The following TMC6 variants were observed in gnomAD, a reference collection of about 807,000 sequenced individuals.
TMC6 encodes the protein transmembrane channel-like protein 6.
A neutral mutation model predicts 95.4 loss-of-function variants in TMC6; 71 were observed. The ratio of observed to expected loss-of-function variants is 0.74; its 90% CI spans 0.61 to 0.91. TMC6 has a LOEUF of 0.91. Ranked by LOEUF, TMC6 falls within the 40% of genes least tolerant of loss-of-function variation. TMC6 has a pLI of 0.00. For synonymous variants in TMC6, 514 were observed against 483.1 expected (o/e 1.06, Z -0.84); for missense variants, 1,074 against 1,079.1 (o/e 1.00, Z 0.07).
rs768868241 is a variant in TMC6 at position 78,121,794 on chromosome 17, A to G, written c.1228-83T>C. ...GCAGACACAGCACAACACACACAAC[A>G]CACATGAGACACACCAGGAGGCTTG... On this transcript the variant is annotated intron_variant, in intron 10 of 19. Transcript: ENST00000590602. The surrounding 1 kb of genome is among the most constrained non-coding windows in gnomAD (Gnocchi z 5.6). The G allele has an allele frequency of 4.3e-5, 63 of 1,463,582 alleles. No individual in the cohort carries two copies. The highest frequency in any genetic ancestry group is 5.5e-5 in the Non-Finnish European group (60 of 1,098,458). The allele number at this position is 1,463,582 out of a possible 1,614,324, so 90.7% of individuals were successfully genotyped here. A position where few individuals can be genotyped will look rare whatever the true frequency, so the allele number is the denominator to read the frequency against.
At chr17:78,125,019 A>C (rs762230234) in intron 6 of TMC6, 34 bp from the exon 7 acceptor site, 3 of 1,556,668 alleles carry the variant, frequency 1.9e-6, no homozygotes, top group Admixed American at 1.9e-5. Flanking sequence ...TGCCTGGACC[A>C]ATGAGGGGCC....
At chr17:78,123,540 A>AATGGGTGG (rs1455982302) in intron 9 of TMC6, among the ~76,000 whole-genome samples, 2 of 131,796 alleles carry the variant, frequency 1.5e-5, no homozygotes, top group African/African-American at 5.8e-5. Flanking sequence ...TAGATGGATG[A>AATGGGTGG]ATGGGTGGAT....
chr17:78,119,348 A>G lies in TMC6; in HGVS notation c.1760T>C (p.Phe587Ser). The G allele has an allele frequency of 6.2e-7, 1 of 1,614,078 alleles. No individual in the cohort carries two copies. Among genetic ancestry groups the G allele is most frequent in the Non-Finnish European group, 8.5e-7 (1 of 1,180,028 alleles). Residue 587 changes from phenylalanine to serine, a missense_variant, in exon 14 of 20, where the codon TTT becomes TCT. By Grantham distance (155) the Phe-to-Ser change is radical. Coordinates refer to ENST00000590602, the MANE Select transcript of TMC6 (RefSeq NM_001127198.5). ...KKLKRRRKPE[F>S]DIARNVLELI... is the part of the protein sequence containing the mutation. ...CTCCAGGACATTCCGGGCAATGTCA[A>G]ACTCCGGCTTCCGCCTCCTCTTCAG...
chr17:78,127,562 C>T (rs905120695), intron 1 of TMC6, among the ~76,000 whole-genome samples: 2 of 152,224 alleles, frequency 1.3e-5, no homozygotes, highest in African/African-American at 4.8e-5. Context: ...CTGGCTCTGC[C>T]GTCACCCGGC....
At chr17:78,131,373 T>G, upstream of TMC6, 1 of 646,770 alleles carries the variant, frequency 1.5e-6, no homozygotes, top group African/African-American at 1.8e-5. Flanking sequence ...CTCTCATTTC[T>G]GAGCCCCGGA....
chr17:78,118,842 C>G, intron 15 of TMC6, 129 bp downstream of exon 15: 1 of 1,042,726 alleles, frequency 9.6e-7, no homozygotes, highest in Admixed American at 2.0e-5. Context: ...CCAGGGCAGC[C>G]CCGAGCCGCC....
Position 78,120,744 on chromosome 17 carries a change from C to T in TMC6, c.1624G>A (p.Glu542Lys). 6.2e-7 allele frequency: 1 copy of T among 1,613,810 alleles called. No individual in the cohort carries two copies. The highest frequency in any genetic ancestry group is 8.5e-7 in the Non-Finnish European group (1 of 1,179,996). The change falls in exon 13 of 20, where the codon GAG (glutamate) becomes AAG (lysine). Residue 542 changes from glutamate (E) to lysine (K), a missense_variant. Coordinates refer to ENST00000590602, the MANE Select transcript of TMC6 (RefSeq NM_001127198.5). ...RVGVLQGQCW[E>K]DFVGQELYRF... ...TACAGCTCCTGGCCCACAAAATCCT[C>T]CCAGCACTGGCCCTGCAGGACGCCC...
Position 78,116,097 on chromosome 17 carries a change from C to A in TMC6, c.2277+1172G>T, listed in dbSNP as rs151080154. Among the ~76,000 whole-genome samples, 784 of 152,084 alleles carry A rather than the reference C, an allele frequency of 5.2e-3. 14 individuals are homozygous for A. Among genetic ancestry groups the A allele is most frequent in the South Asian group, 0.042 (201 of 4,820 alleles). ...CAATCTGGGCTGATTCTCCTGCCTCCGCCTCCTGAGTAGCTGGTACAGGTG... is the reference window on the plus strand; with the variant it reads ...CAATCTGGGCTGATTCTCCTGCCTCAGCCTCCTGAGTAGCTGGTACAGGTG... On this transcript the variant is annotated intron_variant, in intron 18 of 19. Transcript: ENST00000590602.
rs768761476 is a variant in TMC6, at chr17:78,117,901, C to T, written c.1922G>A (p.Arg641Gln). ...GCTCATGTGTGAGGCCAGCCAGGGCCGGCGCGGCGCCTGGCAGTTGGCCAG... is the reference window on the plus strand; with the variant it reads ...GCTCATGTGTGAGGCCAGCCAGGGCTGGCGCGGCGCCTGGCAGTTGGCCAG... ...SLLANCQAPR[R>Q]PWLASHMSTV... is the part of the protein sequence containing the mutation. The change falls in exon 16 of 20, where the codon CGG becomes CAG. Residue 641 changes from arginine to glutamine, a missense_variant. By Grantham distance (43) the Arg-to-Gln change is conservative. Transcript: ENST00000590602. 7.5e-6 allele frequency: 12 copies of T among 1,604,784 alleles called. No individual in the cohort carries two copies. The highest frequency in any genetic ancestry group is 1.7e-4 in the Middle Eastern group (1 of 6,032).
intron 1 of TMC6, among the ~76,000 whole-genome samples, chr17:78,127,802 A>G (rs1459699405): frequency 6.6e-6 from 1 of 152,228 alleles, no homozygotes; most frequent in African/African-American, 2.4e-5. Flanking sequence ...AGCTCCTTGC[A>G]GGGGTGCCAG....
chr17:78,126,868 G>A lies in TMC6; in HGVS notation c.-36C>T, dbSNP rs1251348941. 1.1e-5 allele frequency: 17 copies of A among 1,608,146 alleles called. No homozygotes were observed. The highest frequency in any genetic ancestry group is 1.4e-5 in the Non-Finnish European group (17 of 1,178,396). On this transcript the variant is annotated 5_prime_UTR_variant, in exon 2 of 20. Coordinates refer to ENST00000590602, the MANE Select transcript of TMC6 (RefSeq NM_001127198.5). ...AATGCCCGCTAGTCTGCAGACCTAG[G>A]GTAGCTCAGAGCCTGGGCGCCACCT...
chr17:78,124,577 C>A lies in TMC6; in HGVS notation c.838G>T (p.Ala280Ser), dbSNP rs146371375. 6.2e-7 allele frequency: 1 copy of A among 1,612,106 alleles called. No homozygotes were observed. The highest frequency in any genetic ancestry group is 8.5e-7 in the Non-Finnish European group (1 of 1,179,758). ...IMGPQVAFPP[A>S]LPGPAPVCTG... Reference sequence around the variant, plus strand: ...CAGACGGGGGCAGGGCCCGGCAGGGCGGGTGGGAAGGCGACCTGAGGGCCC... The same window carrying A: ...CAGACGGGGGCAGGGCCCGGCAGGGAGGGTGGGAAGGCGACCTGAGGGCCC... The change falls in exon 8 of 20, where the codon GCC (alanine) becomes TCC (serine). Residue 280 changes from alanine (A) to serine (S), a missense_variant. Transcript: ENST00000590602.
At chr17:78,116,461 C>T (rs976039059) in intron 18 of TMC6, among the ~76,000 whole-genome samples, 67 of 152,056 alleles carry the variant, frequency 4.4e-4, no homozygotes, top group African/African-American at 1.5e-3. Flanking sequence ...TTTATAGAGA[C>T]GAGGTTTCAC....
rs571021063 is a variant in TMC6, at chr17:78,117,187, T to G, written c.2277+82A>C. ...TTCACCAGCCAAGGCCCACAGGAGA[T>G]GTACAGGGGAGTGGAGGGGAGCGTC... On this transcript the variant is annotated intron_variant, in intron 18 of 19. Transcript: ENST00000590602. 52 of 1,437,360 alleles carry G rather than the reference T, an allele frequency of 3.6e-5. No homozygotes were observed. The East Asian group carries it at 5.3e-4, about 15-fold the overall frequency. 89.0% of individuals were successfully genotyped at this position (1,437,360 alleles called of 1,614,324 possible).
chr17:78,113,497 C>A (rs777469715), intron 19 of TMC6, 51 bp downstream of exon 19: 1 of 1,599,226 alleles, frequency 6.3e-7, no homozygotes, highest in Non-Finnish European at 8.6e-7. Flanking sequence ...CAGCCCTGGC[C>A]CCTCTCCCCT....
chr17:78,132,062 C>T (rs1236238115), upstream of TMC6: 3 of 1,534,680 alleles, frequency 2.0e-6, no homozygotes, highest in Non-Finnish European at 1.7e-6. Flanking sequence ...CCTCCCCTTG[C>T]CCTCTCTGGA....
rs556523652 is a variant in TMC6, at chr17:78,115,101, C to T, written c.2278-1477G>A. The stretch of plus-strand genomic sequence containing the variant: ...AGGCTTTCAGCTCTATGTGGTGAAA[C>T]GGGAAAGGCAGGAGATGGGACAGTG... On this transcript the variant is annotated intron_variant, in intron 18 of 19. Transcript: ENST00000590602. 2.2e-4 allele frequency among the ~76,000 whole-genome samples: 34 copies of T among 152,336 alleles called. 1 individual carries two copies. In the South Asian group the frequency reaches 2.7e-3, roughly 12 times the overall value.
rs1434529664 is a variant in TMC6 at position 78,110,211 on chromosome 17, T to A, written c.*2937A>T. ...GGTCTTGCCATTGCCCGTGCTGGAT[T>A]CAAAACACCTGGGCTCGGCAGGTGT... On this transcript the variant is annotated 3_prime_UTR_variant, in exon 20 of 20. Transcript: ENST00000590602. The A allele has an allele frequency of 6.6e-6, 1 of 151,926 alleles. No homozygotes were observed. Among genetic ancestry groups the A allele is most frequent in the Admixed American group, 6.6e-5 (1 of 15,244 alleles). The allele number at this position is 151,926 out of a possible 1,614,324, so 9.4% of individuals were successfully genotyped here.
chr17:78,123,098 T>C (rs531964995), intron 9 of TMC6: 2 of 406,010 alleles, frequency 4.9e-6, no homozygotes, highest in Non-Finnish European at 9.4e-6. Flanking sequence ...CCTGCTTCCT[T>C]ATCCATCCCC....
Sources: allele counts gnomAD v4.1 joint callset (sites outside exome capture counted in the v4.1 genomes callset), GRCh38; gene constraint gnomAD v4.1.1; non-coding constraint Gnocchi (gnomAD v3.1); transcripts MANE v1.5; gene names NCBI Gene and HGNC (gene_info 2026-07-23, HGNC 2026-07-21).